CCDC3: variants seen among roughly 807,000 people sequenced by gnomAD.
CCDC3 encodes coiled-coil domain-containing protein 3.
In CCDC3, 24 loss-of-function variants were observed where a neutral mutation model predicts 21.4. The ratio of observed to expected loss-of-function variants is 1.12; its 90% confidence interval spans 0.81 to 1.58. CCDC3 has a LOEUF of 1.58. Among genes scored for constraint, CCDC3 ranks in the 40% most tolerant of loss-of-function variants. The pLI, the probability that CCDC3 is intolerant of heterozygous loss-of-function variation, is 0.00. For synonymous variants in CCDC3, 186 were observed against 166.0 expected, an observed-to-expected ratio of 1.12 and a Z score of -0.93; for missense variants, 425 against 360.9, an observed-to-expected ratio of 1.18 and a Z score of -1.44.
intron 3 of CCDC3, among the ~76,000 whole-genome samples, chr10:13,092,313 T>A (rs1832581515): frequency 6.6e-6 from 1 of 152,186 alleles, no homozygotes; most frequent in African/African-American, 2.4e-5. Flanking sequence ...ACACAGTGAA[T>A]GGGAAAGTTC....
intron 2 of CCDC3, among the ~76,000 whole-genome samples, chr10:12,902,033 C>T (rs775472316): frequency 6.6e-6 from 1 of 152,206 alleles, no homozygotes; most frequent in Non-Finnish European, 1.5e-5. Flanking sequence ...GTCTCCATGG[C>T]ACGCCGTAGC....
At chr10:12,974,996 G>A (rs564377876) in intron 2 of CCDC3, among the ~76,000 whole-genome samples, 3 of 152,250 alleles carry the variant, frequency 2.0e-5, no homozygotes, top group South Asian at 2.1e-4. Flanking sequence ...CACATGTCAC[G>A]TGACAAATAA....
chr10:12,982,121 CAAAAAAAAAAAAAAAAAAAA>C (rs71386135), intron 2 of CCDC3, among the ~76,000 whole-genome samples: 1 of 33,230 alleles, frequency 3.0e-5, no homozygotes, highest in Admixed American at 5.1e-4. Context: ...GACTCTGTCT[CAAAAAAAAAAAAAAAAAAAA>C]AAAAAAAAAA....
At chr10:13,077,590 G>A (rs1028666233) in intron 3 of CCDC3, among the ~76,000 whole-genome samples, 19 of 152,012 alleles carry the variant, frequency 1.2e-4, no homozygotes, top group East Asian at 5.8e-4. Flanking sequence ...GAGGCATCAC[G>A]CTACCTGACT....
At chr10:12,996,564 G>A (rs1835764667) in intron 2 of CCDC3, among the ~76,000 whole-genome samples, 1 of 152,160 alleles carries the variant, frequency 6.6e-6, no homozygotes, top group Admixed American at 6.5e-5. Flanking sequence ...TTGAACTCCT[G>A]ACCTCAGGTG....
At chr10:12,988,981 G>A (rs975645487) in intron 2 of CCDC3, among the ~76,000 whole-genome samples, 8 of 152,196 alleles carry the variant, frequency 5.3e-5, no homozygotes, top group Non-Finnish European at 1.0e-4. Context: ...GGAGTAGCAC[G>A]ATTATAAATA....
At chr10:12,907,522 A>G (rs988679471) in intron 2 of CCDC3, among the ~76,000 whole-genome samples, 1 of 152,134 alleles carries the variant, frequency 6.6e-6, no homozygotes, top group African/African-American at 2.4e-5. Context: ...GTGCACACCT[A>G]TACTCCCAGC....
At chr10:12,952,463 A>C (rs1835021588) in intron 2 of CCDC3, among the ~76,000 whole-genome samples, 1 of 152,222 alleles carries the variant, frequency 6.6e-6, no homozygotes, top group Non-Finnish European at 1.5e-5. Flanking sequence ...AACAGAACCC[A>C]GAATGTATTT....
intron 2 of CCDC3, among the ~76,000 whole-genome samples, chr10:12,909,591 G>A (rs1399496929): frequency 6.6e-6 from 1 of 152,180 alleles, no homozygotes; most frequent in Non-Finnish European, 1.5e-5. Flanking sequence ...CTTGCTCTGT[G>A]GACCCCTGTG....
Position 12,933,389 on chromosome 10 carries a change from T to C in CCDC3, c.550-34710A>G, listed in dbSNP as rs545319027. Reference sequence around the variant, plus strand: ...ATGAATTTTAACAAATTGTGCCTTTTAAAGAATTGGTCCATTTTGTTGAGG... The same window carrying C: ...ATGAATTTTAACAAATTGTGCCTTTCAAAGAATTGGTCCATTTTGTTGAGG... On this transcript the variant is annotated intron_variant, in intron 2 of 2. Transcript: ENST00000378825. Among the ~76,000 whole-genome samples the C allele has an allele frequency of 2.0e-5, 3 of 152,310 alleles. No individual in the cohort carries two copies. In the East Asian group the frequency reaches 5.8e-4, roughly 29 times the overall value.
At chr10:13,041,733 C>G (rs929502000) in intron 5 of CCDC3, among the ~76,000 whole-genome samples, 1 of 151,900 alleles carries the variant, frequency 6.6e-6, no homozygotes, top group East Asian at 1.9e-4. Context: ...AGTGATCCAC[C>G]TGCCTCAACC....
intron 1 of CCDC3, among the ~76,000 whole-genome samples, chr10:12,999,199 C>T (rs1835809860): frequency 6.6e-6 from 1 of 152,156 alleles, no homozygotes; most frequent in Admixed American, 6.5e-5. Context: ...GAGATTGCAC[C>T]ATTGCACTCC....
intron 2 of CCDC3, among the ~76,000 whole-genome samples, chr10:12,989,175 G>T (rs1835643179): frequency 6.6e-6 from 1 of 152,208 alleles, no homozygotes. Flanking sequence ...TAGAAGCCCA[G>T]CTCCTGAAAT....
chr10:13,025,364 T>A (rs1419632081), intron 5 of CCDC3, among the ~76,000 whole-genome samples: 1 of 152,164 alleles, frequency 6.6e-6, no homozygotes, highest in African/African-American at 2.4e-5. Flanking sequence ...CTTGCATCAG[T>A]CTTCCTAAAG....
intron 5 of CCDC3, among the ~76,000 whole-genome samples, chr10:13,035,423 C>T (rs1411585890): frequency 6.6e-6 from 1 of 152,096 alleles, no homozygotes; most frequent in Non-Finnish European, 1.5e-5. Flanking sequence ...GAAGATAAGT[C>T]TCAACTTGGT....
chr10:13,084,988 C>T (rs1403310081), intron 3 of CCDC3, among the ~76,000 whole-genome samples: 1 of 152,226 alleles, frequency 6.6e-6, no homozygotes, highest in Non-Finnish European at 1.5e-5. Context: ...AATCTCTCAT[C>T]TGCCTTTCTC....
chr10:12,936,039 A>G lies in CCDC3; in HGVS notation c.550-37360T>C, dbSNP rs533041149. 5.9e-5 allele frequency among the ~76,000 whole-genome samples: 9 copies of G among 152,338 alleles called. No homozygotes were observed. In the East Asian group the frequency reaches 1.7e-3, roughly 29 times the overall value. On this transcript the variant is annotated intron_variant, in intron 2 of 2. Transcript: ENST00000378825. ...GATCAATGAAGATGACAGACATTGT[A>G]TCTTGACTTACTCATTCTCAGATGC...
At chr10:13,066,206 G>A (rs763330782) in intron 4 of CCDC3, among the ~76,000 whole-genome samples, 3 of 151,800 alleles carry the variant, frequency 2.0e-5, no homozygotes, top group Non-Finnish European at 4.4e-5. Context: ...CACCCAAACT[G>A]GAGTACAATG....
intron 2 of CCDC3, among the ~76,000 whole-genome samples, chr10:12,926,763 A>C (rs183200181): frequency 6.6e-6 from 1 of 152,230 alleles, no homozygotes; most frequent in African/African-American, 2.4e-5. Flanking sequence ...AACACTAAGC[A>C]TAAGAAAGCT....
Sources: allele counts gnomAD v4.1 joint callset (sites outside exome capture counted in the v4.1 genomes callset), GRCh38; gene constraint gnomAD v4.1.1; transcripts MANE v1.5; gene names NCBI Gene and HGNC (gene_info 2026-07-23, HGNC 2026-07-21).